Variants in ANKRD63 observed in about 807,000 individuals in gnomAD.
ANKRD63 encodes ankyrin repeat domain 63.
Under a neutral mutation model 21.2 loss-of-function variants are expected in ANKRD63, and 18 were observed. The ratio of observed to expected loss-of-function variants is 0.85; its 90% confidence interval spans 0.59 to 1.26. The LOEUF is 1.26. Ranked by LOEUF, ANKRD63 falls within the 50% of genes most tolerant of loss-of-function variation. The pLI is 0.00. For synonymous variants in ANKRD63, 322 were observed against 273.3 expected (o/e 1.18, Z -1.76); for missense variants, 523 against 570.9 (o/e 0.92, Z 0.85).
chr15:40,282,668 C>G lies in ANKRD63; in HGVS notation c.-82G>C, dbSNP rs2039559923. 2 of 1,142,206 alleles carry G rather than the reference C, an allele frequency of 1.8e-6. No homozygotes were observed. The highest frequency in any genetic ancestry group is 2.3e-6 in the Non-Finnish European group (2 of 871,970). 70.8% of individuals were successfully genotyped at this position (1,142,206 alleles called of 1,614,324 possible). A position where few individuals can be genotyped will look rare whatever the true frequency, so the allele number is the denominator to read the frequency against. ...CTCGCGCCCCGCGGGGCTCCGGCCT[C>G]CGCCCGCGCTCTGATACCTCTCCCT... On this transcript the variant is annotated 5_prime_UTR_variant, in exon 1 of 1. Transcript: ENST00000434396.
rs1273794877 is a variant in ANKRD63 at position 40,282,936 on chromosome 15, C to T, written c.-350G>A. Among the ~76,000 whole-genome samples the T allele has an allele frequency of 6.6e-6, 1 of 152,214 alleles. No homozygotes were observed. The highest frequency in any genetic ancestry group is 1.5e-5 in the Non-Finnish European group (1 of 68,028). On this transcript the variant is annotated 5_prime_UTR_variant, in exon 1 of 1. Transcript: ENST00000434396. ...CGCCGCTTTCCCGGTGTCCGGCGCCCCTCAGTCCTCGTGGTTTGGAGCCGC... is the reference window on the plus strand; with the variant it reads ...CGCCGCTTTCCCGGTGTCCGGCGCCTCTCAGTCCTCGTGGTTTGGAGCCGC...
Position 40,282,311 on chromosome 15 carries a change from G to A in ANKRD63, c.276C>T (p.Cys92=), listed in dbSNP as rs1218872227. ...GCACGGCGTCCAGGTGGCCTCGCTC[G>A]CACGCCAGGCTGAGTGCGGTGCGGC... ...ERGRTALSLA[C]ERGHLDAVQL... is the part of the protein sequence containing the mutation. Residue 92 remains cysteine, a synonymous_variant, in exon 1 of 1, where the codon TGC becomes TGT. Coordinates refer to ENST00000434396, the MANE Select transcript of ANKRD63 (RefSeq NM_001190479.3). The A allele has an allele frequency of 2.6e-6, 4 of 1,517,986 alleles. No individual in the cohort carries two copies. Among genetic ancestry groups the A allele is most frequent in the South Asian group, 1.2e-5 (1 of 82,362 alleles). 94.0% of individuals were successfully genotyped at this position (1,517,986 alleles called of 1,614,324 possible).
rs927692608 is a variant in ANKRD63, at chr15:40,279,959, G to A, written c.*1485C>T. 2.0e-5 allele frequency among the ~76,000 whole-genome samples: 3 copies of A among 152,136 alleles called. No individual in the cohort carries two copies. Among genetic ancestry groups the A allele is most frequent in the African/African-American group, 7.2e-5 (3 of 41,424 alleles). On this transcript the variant is annotated 3_prime_UTR_variant, in exon 1 of 1. Coordinates refer to ENST00000434396, the MANE Select transcript of ANKRD63 (RefSeq NM_001190479.3). Reference sequence around the variant, plus strand: ...AGCGCACCCGTCCCGCCGGACCCCCGCCCCCAACCCCGCCGCCTCGCTAGG... The same window carrying A: ...AGCGCACCCGTCCCGCCGGACCCCCACCCCCAACCCCGCCGCCTCGCTAGG...
In ANKRD63 at chr15:40,281,862, C is replaced by A; in HGVS notation, c.725G>T (p.Arg242Leu). The A allele has an allele frequency of 6.6e-7, 1 of 1,504,152 alleles. No individual in the cohort carries two copies. The highest frequency in any genetic ancestry group is 8.8e-7 in the Non-Finnish European group (1 of 1,133,744). 93.2% of individuals were successfully genotyped at this position (1,504,152 alleles called of 1,614,324 possible). The change falls in exon 1 of 1, where the codon CGG (arginine) becomes CTG (leucine). Residue 242 changes from arginine to leucine, a missense_variant. Physicochemically the swap from Arg to Leu is moderately radical, Grantham distance 102. Around this residue, in one of 2 missense-constraint regions of ANKRD63, gnomAD observed 308 missense variants for 290.4 expected, o/e 1.06. Coordinates refer to ENST00000434396, the MANE Select transcript of ANKRD63 (RefSeq NM_001190479.3). ...CCGTTCGCTGCCCTGCGCCCGGTGCCGGCCCGAATTCTTGCCCGCTGAGCC... is the reference window on the plus strand; with the variant it reads ...CCGTTCGCTGCCCTGCGCCCGGTGCAGGCCCGAATTCTTGCCCGCTGAGCC... The part of the protein sequence containing the change: ...EAGSAGKNSG[R>L]HRAQGSERPE...
At position 40,280,715 on chromosome 15, in the gene ANKRD63, G is replaced by A. The variant is rs1251912755; in HGVS notation, c.*729C>T. Among the ~76,000 whole-genome samples the A allele has an allele frequency of 1.3e-5, 2 of 152,244 alleles. No individual in the cohort carries two copies. The highest frequency in any genetic ancestry group is 3.9e-4 in the East Asian group (2 of 5,192). ...GAGTTGGCCTGGGTAGGGGTTGTGT[G>A]GAGCAGTGACTCCACATTATCAATG... On this transcript the variant is annotated 3_prime_UTR_variant, in exon 1 of 1. Coordinates refer to ENST00000434396, the MANE Select transcript of ANKRD63 (RefSeq NM_001190479.3).
Position 40,282,370 on chromosome 15 carries a change from G to A in ANKRD63, c.217C>T (p.Gln73Ter). ...TCTCGCAGGTTCACTGCAGCACCCT[G>A]CTCGAGCAGCAGCCGCACGAAGCGC... is the stretch of plus-strand genomic sequence containing the variant. ...RARFVRLLLEQGAAVNLRDER... is the reference protein window; with the variant it reads ...RARFVRLLLE The change falls in exon 1 of 1, where the codon CAG (glutamine) becomes TAG (stop). Residue 73 changes from glutamine to a stop codon, truncating the protein, a stop_gained. Transcript: ENST00000434396. LOFTEE classifies it high-confidence loss of function. 2 of 1,500,626 alleles carry A rather than the reference G, an allele frequency of 1.3e-6. No individual in the cohort carries two copies. The highest frequency in any genetic ancestry group is 1.8e-6 in the Non-Finnish European group (2 of 1,134,006). The allele number at this position is 1,500,626 out of a possible 1,614,324, so 93.0% of individuals were successfully genotyped here.
rs2039559437 is a variant in ANKRD63 at position 40,282,639 on chromosome 15, T to G, written c.-53A>C. Reference sequence around the variant, plus strand: ...TGGCAGTTCCGCACGGGGGCGCCCCTGTTCTCGCGCCCCGCGGGGCTCCGG... The same window carrying G: ...TGGCAGTTCCGCACGGGGGCGCCCCGGTTCTCGCGCCCCGCGGGGCTCCGG... On this transcript the variant is annotated 5_prime_UTR_variant, in exon 1 of 1. Coordinates refer to ENST00000434396, the MANE Select transcript of ANKRD63 (RefSeq NM_001190479.3). 1.7e-5 allele frequency: 22 copies of G among 1,295,804 alleles called. No individual in the cohort carries two copies. Among genetic ancestry groups the G allele is most frequent in the Non-Finnish European group, 2.2e-5 (22 of 1,009,078 alleles). The allele number at this position is 1,295,804 out of a possible 1,614,324, so 80.3% of individuals were successfully genotyped here. A position where few individuals can be genotyped will look rare whatever the true frequency, so the allele number is the denominator to read the frequency against.
At position 40,281,896 on chromosome 15, in the gene ANKRD63, C is replaced by G; in HGVS notation, c.691G>C (p.Gly231Arg). ...TTCTTGCCCGCTGAGCCAGCCTCGC[C>G]GCCGTGGCCGCCCGCCGCTCGCGCA... is the stretch of plus-strand genomic sequence containing the variant. ...RFARAAGGHGGEAGSAGKNSG... is the reference protein window; with the variant it reads ...RFARAAGGHGREAGSAGKNSG... Residue 231 changes from glycine to arginine, a missense_variant, in exon 1 of 1, where the codon GGC (glycine) becomes CGC (arginine). By Grantham distance (125) the Gly-to-Arg change is moderately radical. Coordinates refer to ENST00000434396, the MANE Select transcript of ANKRD63 (RefSeq NM_001190479.3). 1.4e-6 allele frequency: 2 copies of G among 1,411,886 alleles called. No individual in the cohort carries two copies. The highest frequency in any genetic ancestry group is 1.8e-6 in the Non-Finnish European group (2 of 1,092,942). The allele number at this position is 1,411,886 out of a possible 1,614,324, so 87.5% of individuals were successfully genotyped here. A position where few individuals can be genotyped will look rare whatever the true frequency, so the allele number is the denominator to read the frequency against.
At position 40,281,063 on chromosome 15, in the gene ANKRD63, C is replaced by A. The variant is rs2039535897; in HGVS notation, c.*381G>T. On this transcript the variant is annotated 3_prime_UTR_variant, in exon 1 of 1. Transcript: ENST00000434396. The stretch of plus-strand genomic sequence containing the variant: ...TGGGTCCTTATTCTCCAAGGTGGAC[C>A]CTTCTATTTACCTGGCTGCCCAGTT... Among the ~76,000 whole-genome samples, 1 of 152,152 alleles carries A rather than the reference C, an allele frequency of 6.6e-6. No individual in the cohort carries two copies. Among genetic ancestry groups the A allele is most frequent in the Admixed American group, 6.5e-5 (1 of 15,284 alleles).
rs1200825253 is a variant in ANKRD63, at chr15:40,281,660, G to A, written c.927C>T (p.Pro309=). The change falls in exon 1 of 1, where the codon CCC becomes CCT. Residue 309 remains proline, a synonymous_variant. Transcript: ENST00000434396. ...EGAPPTLAQA[P]IGLSPHPEGG... is the part of the protein sequence containing the mutation. ...CCTCCGGGTGGGGACTGAGGCCAAT[G>A]GGGGCTTGCGCTAAGGTTGGGGGCG... The A allele has an allele frequency of 2.0e-6, 3 of 1,526,786 alleles. No homozygotes were observed. Among genetic ancestry groups the A allele is most frequent in the South Asian group, 1.2e-5 (1 of 83,526 alleles). 94.6% of individuals were successfully genotyped at this position (1,526,786 alleles called of 1,614,324 possible). A position where few individuals can be genotyped will look rare whatever the true frequency, so the allele number is the denominator to read the frequency against.
In ANKRD63 at chr15:40,278,705, G is replaced by A. The variant is rs1228206987; in HGVS notation, c.*2739C>T. Reference sequence around the variant, plus strand: ...TTCTGCACAGAGCCGGGCCTGGGAAGGAGTCTGTATGTATGGACAGCAAGG... The same window carrying A: ...TTCTGCACAGAGCCGGGCCTGGGAAAGAGTCTGTATGTATGGACAGCAAGG... On this transcript the variant is annotated 3_prime_UTR_variant, in exon 1 of 1. Coordinates refer to ENST00000434396, the MANE Select transcript of ANKRD63 (RefSeq NM_001190479.3). Among the ~76,000 whole-genome samples the A allele has an allele frequency of 6.6e-6, 1 of 152,204 alleles. No homozygotes were observed. Among genetic ancestry groups the A allele is most frequent in the Non-Finnish European group, 1.5e-5 (1 of 68,034 alleles).
In ANKRD63 at chr15:40,280,228, G is replaced by A. The variant is rs1303181786; in HGVS notation, c.*1216C>T. On this transcript the variant is annotated 3_prime_UTR_variant, in exon 1 of 1. Coordinates refer to ENST00000434396, the MANE Select transcript of ANKRD63 (RefSeq NM_001190479.3). ...GCGAGAAGCAGGAGCCGTTTAACAG[G>A]CTCCTTCCAGCTCTCGCCAGAGTTT... 1.3e-5 allele frequency among the ~76,000 whole-genome samples: 2 copies of A among 152,232 alleles called. No homozygotes were observed. Among genetic ancestry groups the A allele is most frequent in the Non-Finnish European group, 2.9e-5 (2 of 68,032 alleles).
At position 40,281,605 on chromosome 15, in the gene ANKRD63, G is replaced by C. The variant is rs974974005; in HGVS notation, c.982C>G (p.Arg328Gly). Reference protein sequence around the residue: ...GGPGSGRLGLRRRSTAPDIPS... With the variant: ...GGPGSGRLGLGRRSTAPDIPS... Reference sequence around the variant, plus strand: ...ATATCTGGGGCTGTGGAGCGTCGGCGCAAACCCAGGCGGCCAGAGCCGGGG... The same window carrying C: ...ATATCTGGGGCTGTGGAGCGTCGGCCCAAACCCAGGCGGCCAGAGCCGGGG... The change falls in exon 1 of 1, where the codon CGC (arginine) becomes GGC (glycine). Residue 328 changes from arginine to glycine, a missense_variant. By Grantham distance (125) the Arg-to-Gly change is moderately radical. Around this residue, in one of 2 missense-constraint regions of ANKRD63, gnomAD observed 308 missense variants for 290.4 expected, o/e 1.06. Coordinates refer to ENST00000434396, the MANE Select transcript of ANKRD63 (RefSeq NM_001190479.3). 5.2e-6 allele frequency: 8 copies of C among 1,529,176 alleles called. No individual in the cohort carries two copies. The African/African-American group carries it at 1.1e-4, about 21-fold the overall frequency. The allele number at this position is 1,529,176 out of a possible 1,614,324, so 94.7% of individuals were successfully genotyped here. A position where few individuals can be genotyped will look rare whatever the true frequency, so the allele number is the denominator to read the frequency against.
In ANKRD63 at chr15:40,281,604, C is replaced by T. The variant is rs1180835371; in HGVS notation, c.983G>A (p.Arg328His). 1.4e-5 allele frequency: 21 copies of T among 1,529,770 alleles called. No homozygotes were observed. The highest frequency in any genetic ancestry group is 1.5e-5 in the Non-Finnish European group (17 of 1,143,916). 94.8% of individuals were successfully genotyped at this position (1,529,770 alleles called of 1,614,324 possible). ...GATATCTGGGGCTGTGGAGCGTCGGCGCAAACCCAGGCGGCCAGAGCCGGG... is the reference window on the plus strand; with the variant it reads ...GATATCTGGGGCTGTGGAGCGTCGGTGCAAACCCAGGCGGCCAGAGCCGGG... ...GGPGSGRLGL[R>H]RRSTAPDIPS... Residue 328 changes from arginine (R) to histidine (H), a missense_variant, in exon 1 of 1, where the codon CGC becomes CAC. By Grantham distance (29) the Arg-to-His change is conservative. Coordinates refer to ENST00000434396, the MANE Select transcript of ANKRD63 (RefSeq NM_001190479.3).
At position 40,282,109 on chromosome 15, in the gene ANKRD63, G is replaced by A; in HGVS notation, c.478C>T (p.Leu160=). ...TNRAGLTALQ[L]AAARGHGTCV... ...GTCCCGTGGCCGCGGGCGGCGGCCA[G>A]TTGCAGCGCGGTGAGCCCCGCACGG... Residue 160 remains leucine, a synonymous_variant, in exon 1 of 1, where the codon CTG becomes TTG. Transcript: ENST00000434396. 2 of 1,402,684 alleles carry A rather than the reference G, an allele frequency of 1.4e-6. No homozygotes were observed. The highest frequency in any genetic ancestry group is 3.5e-5 in the Admixed American group (1 of 28,482). 86.9% of individuals were successfully genotyped at this position (1,402,684 alleles called of 1,614,324 possible).
rs1333481181 is a variant in ANKRD63, at chr15:40,281,787, T to A, written c.800A>T (p.Glu267Val). ...MSLALGAVTE[E>V]EAARLRAGAL... ...CCCAGCCCGCAGGCGGGCAGCCTCC[T>A]CCTCGGTTACCGCACCTAGAGCCAG... Residue 267 changes from glutamate (E) to valine (V), a missense_variant, in exon 1 of 1, where the codon GAG becomes GTG. By Grantham distance (121) the Glu-to-Val change is moderately radical. Transcript: ENST00000434396. 9 of 1,534,944 alleles carry A rather than the reference T, an allele frequency of 5.9e-6. No individual in the cohort carries two copies. The highest frequency in any genetic ancestry group is 1.7e-4 in the Middle Eastern group (1 of 6,006).
At position 40,282,631 on chromosome 15, in the gene ANKRD63, G is replaced by A. The variant is rs2039559285; in HGVS notation, c.-45C>T. On this transcript the variant is annotated 5_prime_UTR_variant, in exon 1 of 1. Transcript: ENST00000434396. ...GGGCAGCCTGGCAGTTCCGCACGGG[G>A]GCGCCCCTGTTCTCGCGCCCCGCGG... is the stretch of plus-strand genomic sequence containing the variant. The A allele has an allele frequency of 7.5e-7, 1 of 1,336,802 alleles. No homozygotes were observed. Among genetic ancestry groups the A allele is most frequent in the South Asian group, 1.8e-5 (1 of 55,752 alleles). 82.8% of individuals were successfully genotyped at this position (1,336,802 alleles called of 1,614,324 possible). A position where few individuals can be genotyped will look rare whatever the true frequency, so the allele number is the denominator to read the frequency against.
Position 40,281,908 on chromosome 15 carries a change from C to T in ANKRD63, c.679G>A (p.Gly227Ser), listed in dbSNP as rs1324880976. The T allele has an allele frequency of 2.1e-6, 3 of 1,410,364 alleles. No homozygotes were observed. Among genetic ancestry groups the T allele is most frequent in the Non-Finnish European group, 2.7e-6 (3 of 1,092,900 alleles). The allele number at this position is 1,410,364 out of a possible 1,614,324, so 87.4% of individuals were successfully genotyped here. The change falls in exon 1 of 1, where the codon GGC becomes AGC. Residue 227 changes from glycine (G) to serine (S), a missense_variant. Coordinates refer to ENST00000434396, the MANE Select transcript of ANKRD63 (RefSeq NM_001190479.3). ...PLLARFARAAGGHGGEAGSAG... is the reference protein window; with the variant it reads ...PLLARFARAASGHGGEAGSAG... ...GAGCCAGCCTCGCCGCCGTGGCCGCCCGCCGCTCGCGCAAAGCGCGCCAGG... is the reference window on the plus strand; with the variant it reads ...GAGCCAGCCTCGCCGCCGTGGCCGCTCGCCGCTCGCGCAAAGCGCGCCAGG...
Position 40,281,990 on chromosome 15 carries a change from G to C in ANKRD63, c.597C>G (p.Ala199=). 3 of 1,216,702 alleles carry C rather than the reference G, an allele frequency of 2.5e-6. No individual in the cohort carries two copies. Among genetic ancestry groups the C allele is most frequent in the Non-Finnish European group, 3.1e-6 (3 of 979,714 alleles). The allele number at this position is 1,216,702 out of a possible 1,614,324, so 75.4% of individuals were successfully genotyped here. Residue 199 remains alanine (A), a synonymous_variant, in exon 1 of 1, where the codon GCC becomes GCG. Transcript: ENST00000434396. ...GTCGATGCTCGGGGCTGGCCGCGGG[G>C]GCCGGGCGGCCAGGGGGACTATCGG... ...SNSDSPPGRP[A]PAASPEHRRP... is the part of the protein sequence containing the mutation.
Sources: gnomAD v4.1 joint callset for allele counts (sites outside exome capture counted in the v4.1 genomes callset) on GRCh38, gnomAD v4.1.1 for gene constraint, gnomAD v4.1.1 regional missense constraint, MANE v1.5 for transcripts, NCBI Gene and HGNC (gene_info 2026-07-23, HGNC 2026-07-21) for gene names.